The following RUBCN variants were observed in gnomAD, a reference collection of about 807,000 sequenced individuals.
The protein encoded by RUBCN is run domain Beclin-1-interacting and cysteine-rich domain-containing protein.
RUBCN carries 74 observed loss-of-function variants against 113.2 expected under a neutral mutation model. The ratio of observed to expected loss-of-function variants is 0.65; its 90% CI spans 0.54 to 0.79. The LOEUF is 0.79. Ranked by LOEUF, RUBCN falls within the 30% of genes least tolerant of loss-of-function variation. The pLI, the probability that RUBCN is intolerant of heterozygous loss-of-function variation, is 0.00. For synonymous variants in RUBCN, 480 were observed against 490.0 expected (o/e 0.98, Z 0.27); for missense variants, 1,109 against 1,251.7 (o/e 0.89, Z 1.72).
intron 1 of RUBCN, among the ~76,000 whole-genome samples, chr3:197,734,703 G>C (rs1727922182): frequency 6.6e-6 from 1 of 152,154 alleles, no homozygotes; most frequent in South Asian, 2.1e-4. Context: ...ACATGAAGTG[G>C]TAGAGGGAAA....
At chr3:197,686,316 C>G (rs1453088583) in intron 11 of RUBCN, among the ~76,000 whole-genome samples, 1 of 151,942 alleles carries the variant, frequency 6.6e-6, no homozygotes, top group Non-Finnish European at 1.5e-5. Flanking sequence ...CACACTGTAA[C>G]GTGTTTCTTC....
chr3:197,736,569 T>C, intron 1 of RUBCN, 86 bp downstream of exon 1: 3 of 1,313,202 alleles, frequency 2.3e-6, no homozygotes, highest in South Asian at 1.2e-5. Flanking sequence ...CGCCCGGCCC[T>C]TCTCTCCGTG....
At chr3:197,749,770 G>C, upstream of RUBCN, 3 of 562,872 alleles carry the variant, frequency 5.3e-6, no homozygotes, top group Non-Finnish European at 3.2e-6. Flanking sequence ...AGGGCCGCTA[G>C]GAGCGAGTCA....
chr3:197,689,750 T>C (rs1451695739), intron 11 of RUBCN, among the ~76,000 whole-genome samples: 1 of 152,250 alleles, frequency 6.6e-6, no homozygotes. Context: ...ATGCATACAA[T>C]GTGTAATGGT....
Position 197,676,951 on chromosome 3 carries a change from C to A in RUBCN, c.2580G>T (p.Lys860Asn), listed in dbSNP as rs373600297. The A allele has an allele frequency of 7.4e-6, 12 of 1,614,118 alleles. No individual in the cohort carries two copies. Among genetic ancestry groups the A allele is most frequent in the Non-Finnish European group, 9.3e-6 (11 of 1,180,054 alleles). The stretch of plus-strand genomic sequence containing the variant: ...CAGCAAGCCGGGGCCCCAGCTCCCC[C>A]TTCCTGGTCGCAGTCAGGTCATTCA... The part of the protein sequence containing the change: ...YSLNDLTATR[K>N]GELGPRLAEL... The change falls in exon 18 of 20, where the codon AAG becomes AAT. Residue 860 changes from lysine to asparagine, a missense_variant. This residue lies in a region of RUBCN where 306 missense variants were observed against 348.9 expected (regional missense o/e 0.88). Transcript: ENST00000296343.
At chr3:197,728,879 T>G (rs1414726280) in intron 1 of RUBCN, among the ~76,000 whole-genome samples, 5 of 151,874 alleles carry the variant, frequency 3.3e-5, no homozygotes, top group African/African-American at 7.3e-5. Context: ...TTGCAGTGAG[T>G]GTAGAAAAGC....
chr3:197,708,455 C>T (rs1724571883), intron 2 of RUBCN, among the ~76,000 whole-genome samples: 1 of 145,372 alleles, frequency 6.9e-6, no homozygotes, highest in Non-Finnish European at 1.5e-5. Flanking sequence ...ACAACTTGAA[C>T]ATTTATCAGT....
chr3:197,682,715 A>T, intron 13 of RUBCN, 100 bp from the exon 14 acceptor site: 1 of 1,493,828 alleles, frequency 6.7e-7, no homozygotes, highest in Non-Finnish European at 9.3e-7. Flanking sequence ...AGAAAAACAC[A>T]GTTGGGGTAA....
rs548059599 is a variant in RUBCN at position 197,696,113 on chromosome 3, A to G, written c.1358-132T>C. ...GTTGGAAGAAGATGTCCACCTTCTA[A>G]AAGAATTTCTTGCACTTTGGGAGGG... is the stretch of plus-strand genomic sequence containing the variant. On this transcript the variant is annotated intron_variant, in intron 8 of 19. Transcript: ENST00000296343. The G allele has an allele frequency of 4.7e-4, 410 of 875,032 alleles. 7 individuals are homozygous for G. The South Asian group carries it at 5.7e-3, about 12-fold the overall frequency. 54.2% of individuals were successfully genotyped at this position (875,032 alleles called of 1,614,324 possible).
intron 11 of RUBCN, among the ~76,000 whole-genome samples, chr3:197,684,934 G>A (rs1721675642): frequency 6.6e-6 from 1 of 152,098 alleles, no homozygotes; most frequent in Non-Finnish European, 1.5e-5. Context: ...TTTTACCCCT[G>A]AATGTTAGAA....
At position 197,708,774 on chromosome 3, in the gene RUBCN, C is replaced by T. The variant is rs137957300; in HGVS notation, c.220-3599G>A. 1.8e-4 allele frequency among the ~76,000 whole-genome samples: 28 copies of T among 152,192 alleles called. No homozygotes were observed. In the East Asian group the frequency reaches 4.6e-3, roughly 25 times the overall value. ...GTCAGTTGTACTTGTTATAATTTCA[C>T]ATTTAAAGTAATGATTATGCACTTT... On this transcript the variant is annotated intron_variant, in intron 2 of 19. Coordinates refer to ENST00000296343, the MANE Select transcript of RUBCN (RefSeq NM_014687.4).
At chr3:197,709,744 A>G (rs1724745611) in intron 2 of RUBCN, among the ~76,000 whole-genome samples, 1 of 152,358 alleles carries the variant, frequency 6.6e-6, no homozygotes. Context: ...ACACCAGAAT[A>G]GAAATTGAGA....
chr3:197,719,889 A>G (rs754675808), intron 1 of RUBCN, among the ~76,000 whole-genome samples: 4 of 152,248 alleles, frequency 2.6e-5, no homozygotes, highest in Non-Finnish European at 5.9e-5. Context: ...CAAAGTAATT[A>G]GCATATCCAT....
At chr3:197,718,691 G>A (rs547389043) in intron 1 of RUBCN, among the ~76,000 whole-genome samples, 80 of 152,064 alleles carry the variant, frequency 5.3e-4, no homozygotes, top group African/African-American at 1.8e-3. Flanking sequence ...CTCCCACCTC[G>A]GCCTCCCAGA....
rs1457541783 is a variant in RUBCN, at chr3:197,671,399, T to C, written c.*3619A>G. On this transcript the variant is annotated 3_prime_UTR_variant, in exon 20 of 20. Coordinates refer to ENST00000296343, the MANE Select transcript of RUBCN (RefSeq NM_014687.4). Reference sequence around the variant, plus strand: ...ATGATCAAGAACACCTGAATTTGTGTGCTAGTGGCAGAAAAGTAATGAGAG... The same window carrying C: ...ATGATCAAGAACACCTGAATTTGTGCGCTAGTGGCAGAAAAGTAATGAGAG... 1 of 152,166 alleles carries C rather than the reference T, an allele frequency of 6.6e-6. No homozygotes were observed. Among genetic ancestry groups the C allele is most frequent in the Non-Finnish European group, 1.5e-5 (1 of 68,038 alleles). The allele number at this position is 152,166 out of a possible 1,614,324, so 9.4% of individuals were successfully genotyped here. A position where few individuals can be genotyped will look rare whatever the true frequency, so the allele number is the denominator to read the frequency against.
chr3:197,710,764 G>A (rs1226777644), intron 2 of RUBCN, among the ~76,000 whole-genome samples: 1 of 151,280 alleles, frequency 6.6e-6, no homozygotes, highest in African/African-American at 2.4e-5. Context: ...AAGTTCACAG[G>A]GAAAAAAATT....
At chr3:197,735,641 G>A (rs1233592102) in intron 1 of RUBCN, among the ~76,000 whole-genome samples, 2 of 152,166 alleles carry the variant, frequency 1.3e-5, no homozygotes, top group South Asian at 2.1e-4. Flanking sequence ...ACCCAGGCTG[G>A]AGTGTAGTGG....
chr3:197,704,962 A>G (rs1225551460), intron 3 of RUBCN, 130 bp downstream of exon 3: 2 of 809,444 alleles, frequency 2.5e-6, no homozygotes, highest in Non-Finnish European at 4.2e-6. Context: ...GGGATAATTA[A>G]TTTCCTTTCC....
At chr3:197,738,707 A>G (rs1160602050), upstream of RUBCN, among the ~76,000 whole-genome samples, 1 of 151,578 alleles carries the variant, frequency 6.6e-6, no homozygotes. Context: ...TCAGCTTCCC[A>G]AGTAGCTGGG....
Sources: gnomAD v4.1 joint callset for allele counts (sites outside exome capture counted in the v4.1 genomes callset) on GRCh38, gnomAD v4.1.1 for gene constraint, gnomAD v4.1.1 regional missense constraint, MANE v1.5 for transcripts, NCBI Gene and HGNC (gene_info 2026-07-23, HGNC 2026-07-21) for gene names.